PHC3: variants seen among roughly 807,000 people sequenced by gnomAD.
The protein encoded by PHC3 is polyhomeotic-like protein 3.
A neutral mutation model predicts 107.4 loss-of-function variants in PHC3; 13 were observed. That is an observed-to-expected ratio of 0.12 (90% CI 0.08 to 0.19). The LOEUF (loss-of-function observed/expected upper bound fraction) is 0.19, where lower values mean the gene tolerates loss of function less well. Among genes scored for constraint, PHC3 ranks in the 10% least tolerant of loss-of-function variants. The pLI is 1.00. For missense variants in PHC3, 992 were observed against 1,210.9 expected, an observed-to-expected ratio of 0.82 and a Z score of 2.68; for synonymous variants, 456 against 427.4, an observed-to-expected ratio of 1.07 and a Z score of -0.83.
Position 170,124,031 on chromosome 3 carries a change from G to T in PHC3, c.1789-1287C>A, listed in dbSNP as rs182946523. 1.6e-4 allele frequency among the ~76,000 whole-genome samples: 25 copies of T among 151,962 alleles called. No individual in the cohort carries two copies. In the East Asian group the frequency reaches 4.7e-3, roughly 29 times the overall value. On this transcript the variant is annotated intron_variant, in intron 8 of 14. Transcript: ENST00000495893. ...CCCAGCTAATTTTTTGTACTTTTTAGTAGAGACAGGGTTTCACCAGGTTGG... is the reference window on the plus strand; with the variant it reads ...CCCAGCTAATTTTTTGTACTTTTTATTAGAGACAGGGTTTCACCAGGTTGG...
In PHC3 at chr3:170,097,078, G is replaced by C. The variant is rs1289453327; in HGVS notation, c.*152C>G. On this transcript the variant is annotated 3_prime_UTR_variant, in exon 15 of 15. Transcript: ENST00000495893. The surrounding 1 kb of genome is among the most constrained non-coding windows in gnomAD (Gnocchi z 4.1). ...AAATGCATGATGAATTATTATACCT[G>C]TAGAAGAAATGTCAGTATTTGATGT... 1 of 596,096 alleles carries C rather than the reference G, an allele frequency of 1.7e-6. No homozygotes were observed. The highest frequency in any genetic ancestry group is 2.7e-6 in the Non-Finnish European group (1 of 364,174). The allele number at this position is 596,096 out of a possible 1,614,324, so 36.9% of individuals were successfully genotyped here.
intron 8 of PHC3, among the ~76,000 whole-genome samples, chr3:170,126,529 T>TATATATATATATATATATATATATATA (rs1491097010): frequency 7.5e-5 from 3 of 39,980 alleles, no homozygotes; most frequent in African/African-American, 2.4e-4. Flanking sequence ...TATATATATA[T>TATATATATATATATATATATATATATA]TTTTTTTTTT....
chr3:170,105,155 ATAGTC>A (rs1473002498), intron 12 of PHC3, among the ~76,000 whole-genome samples: 9 of 152,230 alleles, frequency 5.9e-5, no homozygotes, highest in African/African-American at 1.9e-4. Flanking sequence ...ATATTTTTAA[ATAGTC>A]AAGAAGTTTA....
chr3:170,097,244 G>C lies in PHC3; in HGVS notation c.2974C>G (p.Leu992Val). Residue 992 changes from leucine to valine, a missense_variant, in exon 15 of 15, where the codon CTG (leucine) becomes GTG (valine). Leu to Val is a conservative substitution (Grantham distance 32). This residue lies in a region of PHC3 where 21 missense variants were observed against 52.5 expected (regional missense o/e 0.40). Coordinates refer to ENST00000495893, the MANE Select transcript of PHC3 (RefSeq NM_024947.4). This position sits in a 1 kb window ranked among gnomAD's most constrained non-coding sequence, Gnocchi z 4.1. ...TCATGTTCCTGTTAAGATTCCTTCA[G>C]AGAGTTGATGCGTGCACAGATCTTC... ...ALKICARINS[L>V]KES The C allele has an allele frequency of 6.2e-7, 1 of 1,604,192 alleles. No individual in the cohort carries two copies. Among genetic ancestry groups the C allele is most frequent in the Non-Finnish European group, 8.5e-7 (1 of 1,173,874 alleles).
At chr3:170,162,327 G>T (rs1424008501) in intron 4 of PHC3, among the ~76,000 whole-genome samples, 1 of 152,030 alleles carries the variant, frequency 6.6e-6, no homozygotes, top group Non-Finnish European at 1.5e-5. Context: ...ACTATAGGTG[G>T]GTGTCTAATA....
At chr3:170,147,311 C>G (rs542023761) in intron 5 of PHC3, 9 of 152,164 alleles carry the variant, frequency 5.9e-5, no homozygotes, top group African/African-American at 2.2e-4. Flanking sequence ...CTCTTGCTAT[C>G]TAAATTAAAA....
chr3:170,181,617 G>C, intron 1 of PHC3, 85 bp downstream of exon 1: 1 of 1,592,968 alleles, frequency 6.3e-7, no homozygotes, highest in Non-Finnish European at 8.6e-7. Flanking sequence ...CCGCAAAAGA[G>C]CCCTGAGCTT....
chr3:170,178,685 G>A, intron 2 of PHC3, 88 bp downstream of exon 2: 1 of 1,396,464 alleles, frequency 7.2e-7, no homozygotes, highest in Non-Finnish European at 1.0e-6. Context: ...GTACATTTGA[G>A]AATATGAAAC....
chr3:170,128,428 A>G (rs1208090289), intron 8 of PHC3: 1 of 1,293,132 alleles, frequency 7.7e-7, no homozygotes, highest in Non-Finnish European at 1.0e-6. Flanking sequence ...TAGCAGATGG[A>G]TTTGTTTAAA....
Position 170,116,866 on chromosome 3 carries a change from G to A in PHC3, c.2193+360C>T, listed in dbSNP as rs555447299. On this transcript the variant is annotated intron_variant, in intron 10 of 14. Transcript: ENST00000495893. ...GTCAAGGTAACAGTGAGCCATGATC[G>A]CACCACTGCACTCTAGCCTGGTCAA... Among the ~76,000 whole-genome samples the A allele has an allele frequency of 5.3e-5, 8 of 151,538 alleles. No homozygotes were observed. In the East Asian group the frequency reaches 7.8e-4, roughly 15 times the overall value.
intron 2 of PHC3, 32 bp downstream of exon 2, chr3:170,178,741 T>C (rs1425948644): frequency 6.2e-7 from 1 of 1,607,462 alleles, no homozygotes; most frequent in Admixed American, 1.7e-5. Context: ...ACATCTTAAG[T>C]CTTAGACTAC....
At chr3:170,144,125 G>C (rs1296409440) in intron 6 of PHC3, among the ~76,000 whole-genome samples, 13 of 146,396 alleles carry the variant, frequency 8.9e-5, no homozygotes, top group Non-Finnish European at 3.0e-5. Context: ...TTCAAGACCA[G>C]CCTGGCTAAC....
At chr3:170,158,743 A>G (rs540713566) in intron 4 of PHC3, among the ~76,000 whole-genome samples, 21 of 152,038 alleles carry the variant, frequency 1.4e-4, no homozygotes, top group Non-Finnish European at 1.6e-4. Flanking sequence ...CCTGGGCAAC[A>G]TGGCAAGACT....
At chr3:170,157,872 T>C (rs566662440) in intron 4 of PHC3, among the ~76,000 whole-genome samples, 26 of 151,700 alleles carry the variant, frequency 1.7e-4, no homozygotes, top group Middle Eastern at 3.4e-3. Context: ...TAAAAATATA[T>C]ACAAATATAT....
intron 6 of PHC3, among the ~76,000 whole-genome samples, chr3:170,137,875 G>A (rs187897223): frequency 1.8e-4 from 27 of 152,306 alleles, no homozygotes; most frequent in African/African-American, 5.5e-4. Flanking sequence ...TCCAGCCTGG[G>A]CAACAGAGCG....
chr3:170,092,764 C>G lies in PHC3; in HGVS notation c.*4466G>C, dbSNP rs1268748967. 3.3e-5 allele frequency: 5 copies of G among 152,162 alleles called. No homozygotes were observed. 9.4% of individuals were successfully genotyped at this position (152,162 alleles called of 1,614,324 possible). A position where few individuals can be genotyped will look rare whatever the true frequency, so the allele number is the denominator to read the frequency against. ...TTCTCCAACTGTAATAAAAGGTTCT[C>G]ACCTTTTTCAGAAATCAAAAATCAC... On this transcript the variant is annotated 3_prime_UTR_variant, in exon 15 of 15. Coordinates refer to ENST00000495893, the MANE Select transcript of PHC3 (RefSeq NM_024947.4).
chr3:170,103,642 G>A (rs996142512), intron 12 of PHC3, among the ~76,000 whole-genome samples: 1 of 152,172 alleles, frequency 6.6e-6, no homozygotes, highest in African/African-American at 2.4e-5. Context: ...CCTGGAACCA[G>A]GACTGGCAAA....
chr3:170,146,904 C>G (rs979377111), intron 5 of PHC3, among the ~76,000 whole-genome samples: 1 of 105,352 alleles, frequency 9.5e-6, no homozygotes, highest in Non-Finnish European at 1.8e-5. Flanking sequence ...TTTTTTGAGA[C>G]AGAGTTTCAC....
chr3:170,103,148 A>G (rs1167282801), intron 12 of PHC3, among the ~76,000 whole-genome samples: 1 of 152,186 alleles, frequency 6.6e-6, no homozygotes, highest in African/African-American at 2.4e-5. Flanking sequence ...ATATCTCTCA[A>G]TATAATACTG....
Sources: gnomAD v4.1 joint callset for allele counts (sites outside exome capture counted in the v4.1 genomes callset) on GRCh38, gnomAD v4.1.1 for gene constraint, gnomAD v4.1.1 regional missense constraint, Gnocchi (gnomAD v3.1) non-coding constraint, MANE v1.5 for transcripts, NCBI Gene and HGNC (gene_info 2026-07-23, HGNC 2026-07-21) for gene names.